The following DENND4A variants were observed in gnomAD, a reference collection of about 807,000 sequenced individuals.
DENND4A encodes DENN domain containing 4A, also known as C-myc promoter-binding protein.
DENND4A carries 70 observed loss-of-function variants against 199.3 expected under a neutral mutation model. The observed-to-expected ratio is 0.35, with a 90% CI of 0.29 to 0.43. DENND4A has a LOEUF of 0.43. Ranked by LOEUF, DENND4A falls within the 20% of genes least tolerant of loss-of-function variation. The probability of loss-of-function intolerance (pLI) is 1.00; values close to 1 mark genes in which losing one functional copy is unlikely to be tolerated. For synonymous variants in DENND4A, 686 were observed against 766.9 expected (o/e 0.89, Z 1.74); for missense variants, 1,723 against 2,255.8 (o/e 0.76, Z 4.78).
Position 65,691,090 on chromosome 15 carries a change from T to G in DENND4A, c.3504A>C (p.Glu1168Asp), listed in dbSNP as rs776254608. Reference protein sequence around the residue: ...KVDSPVIFDLEDLDSETDVSK... With the variant: ...KVDSPVIFDLDDLDSETDVSK... The stretch of plus-strand genomic sequence containing the variant: ...ATACATCTGTTTCACTGTCTAAGTC[T>G]TCTAAGTCAAAAATAACAGGAGAAT... The change falls in exon 23 of 33, where the codon GAA becomes GAC. Residue 1168 changes from glutamate to aspartate, a missense_variant. Glu to Asp is a conservative substitution (Grantham distance 45). Around this residue, in one of 6 missense-constraint regions of DENND4A, gnomAD observed 650 missense variants for 738.1 expected, o/e 0.88. Coordinates refer to ENST00000443035, the MANE Select transcript of DENND4A (RefSeq NM_001320835.1). 1 of 1,613,168 alleles carries G rather than the reference T, an allele frequency of 6.2e-7. No homozygotes were observed. The highest frequency in any genetic ancestry group is 8.5e-7 in the Non-Finnish European group (1 of 1,179,588).
At chr15:65,771,731 A>G (rs957108626) in intron 1 of DENND4A, 1 of 1,611,634 alleles carries the variant, frequency 6.2e-7, no homozygotes, top group Non-Finnish European at 8.5e-7. Flanking sequence ...AGTTATATCA[A>G]CTTCACAAAA....
At chr15:65,695,211 A>G (rs1238108779) in intron 22 of DENND4A, among the ~76,000 whole-genome samples, 1 of 152,200 alleles carries the variant, frequency 6.6e-6, no homozygotes, top group Non-Finnish European at 1.5e-5. Context: ...AACTTTTTCT[A>G]TCAAGGGCTA....
intron 22 of DENND4A, among the ~76,000 whole-genome samples, chr15:65,693,755 C>T (rs1488120968): frequency 2.0e-5 from 3 of 151,926 alleles, no homozygotes; most frequent in Admixed American, 2.0e-4. Flanking sequence ...TAGCAACTTA[C>T]TGTCCTTTTT....
At chr15:65,728,847 C>G (rs1247030734) in intron 11 of DENND4A, 2 of 533,544 alleles carry the variant, frequency 3.7e-6, no homozygotes, top group Non-Finnish European at 6.7e-6. Context: ...ATATTGAAAG[C>G]CTGAGGATGA....
chr15:65,742,184 A>G (rs1285853383), intron 4 of DENND4A, among the ~76,000 whole-genome samples: 1 of 152,234 alleles, frequency 6.6e-6, no homozygotes, highest in Non-Finnish European at 1.5e-5. Flanking sequence ...TTATGCCTCA[A>G]GAGTTGTAAT....
chr15:65,673,050 T>C (rs969179904), intron 24 of DENND4A, among the ~76,000 whole-genome samples: 6 of 151,942 alleles, frequency 3.9e-5, no homozygotes, highest in Non-Finnish European at 8.8e-5. Context: ...TTAGTACAGA[T>C]GGGGTTTCAC....
chr15:65,727,452 CAAAAAAAAAAA>C (rs35066518), intron 11 of DENND4A, among the ~76,000 whole-genome samples: 1 of 68,770 alleles, frequency 1.5e-5, no homozygotes, highest in Admixed American at 1.6e-4. Context: ...GACTCCGTCT[CAAAAAAAAAAA>C]AAAAAAAAAA....
In DENND4A at chr15:65,671,848, C is replaced by T. The variant is rs1352603339; in HGVS notation, c.4408G>A (p.Val1470Met). ...SKFALPGKSE[V>M]TSSFNASNTN... Reference sequence around the variant, plus strand: ...TTACTCGCGTTGAAGGAAGATGTCACTTCTGATTTCCCAGGTAAGGCAAAC... The same window carrying T: ...TTACTCGCGTTGAAGGAAGATGTCATTTCTGATTTCCCAGGTAAGGCAAAC... The change falls in exon 25 of 33, where the codon GTG (valine) becomes ATG (methionine). Residue 1470 changes from valine to methionine, a missense_variant. Physicochemically the swap from Val to Met is conservative, Grantham distance 21 (BLOSUM62 1). Transcript: ENST00000443035. 1.2e-5 allele frequency: 20 copies of T among 1,612,956 alleles called. No individual in the cohort carries two copies. Among genetic ancestry groups the T allele is most frequent in the Non-Finnish European group, 1.7e-5 (20 of 1,179,048 alleles).
chr15:65,698,910 G>A (rs1009936281), intron 20 of DENND4A, among the ~76,000 whole-genome samples: 1 of 151,588 alleles, frequency 6.6e-6, no homozygotes, highest in Non-Finnish European at 1.5e-5. Flanking sequence ...GCTAATTTTT[G>A]CATTTTTAGT....
intron 4 of DENND4A, among the ~76,000 whole-genome samples, chr15:65,750,964 T>C (rs999259632): frequency 6.6e-6 from 1 of 152,164 alleles, no homozygotes; most frequent in Non-Finnish European, 1.5e-5. Context: ...AACTATGGCC[T>C]GCATTTGGCC....
chr15:65,780,254 G>A (rs201293409), intron 1 of DENND4A, among the ~76,000 whole-genome samples: 2 of 151,934 alleles, frequency 1.3e-5, no homozygotes, highest in African/African-American at 2.4e-5. Context: ...ATTTATGCCC[G>A]AATAAAAAAA....
intron 4 of DENND4A, among the ~76,000 whole-genome samples, chr15:65,747,255 T>C (rs974273773): frequency 3.3e-5 from 5 of 152,250 alleles, no homozygotes; most frequent in African/African-American, 1.2e-4. Context: ...TTAGATTGTA[T>C]GACCACTCTA....
intron 1 of DENND4A, among the ~76,000 whole-genome samples, chr15:65,787,172 C>T (rs1318276951): frequency 1.3e-5 from 2 of 152,018 alleles, no homozygotes; most frequent in Non-Finnish European, 2.9e-5. Flanking sequence ...AACAATATTA[C>T]AATAAAATTA....
chr15:65,703,048 C>T (rs755872828), intron 15 of DENND4A, 40 bp from the exon 16 acceptor site: 67 of 1,586,700 alleles, frequency 4.2e-5, no homozygotes, highest in Non-Finnish European at 5.5e-5. Context: ...AAAGAGTTCT[C>T]AAGCACACAT....
intron 24 of DENND4A, among the ~76,000 whole-genome samples, chr15:65,673,694 C>CT (rs2076286705): frequency 6.6e-6 from 1 of 151,826 alleles, no homozygotes. Flanking sequence ...TAGAGACACC[C>CT]TAGAGAGGCA....
chr15:65,668,093 G>T lies in DENND4A; in HGVS notation c.4818C>A (p.Thr1606=). Residue 1606 remains threonine (T), a synonymous_variant, in exon 28 of 33, where the codon ACC becomes ACA. Transcript: ENST00000443035. The part of the protein sequence containing the change: ...SKSKLQENFC[T]RSIQIPANRS... ...TATTAGCAGGGATCTGAATACTTCGGGTGCAAAAATTTTCCTGCAGTTTAG... is the reference window on the plus strand; with the variant it reads ...TATTAGCAGGGATCTGAATACTTCGTGTGCAAAAATTTTCCTGCAGTTTAG... 1 of 1,578,836 alleles carries T rather than the reference G, an allele frequency of 6.3e-7. No homozygotes were observed.
chr15:65,677,602 G>T (rs1002978515), intron 23 of DENND4A, among the ~76,000 whole-genome samples: 2 of 152,032 alleles, frequency 1.3e-5, no homozygotes, highest in African/African-American at 2.4e-5. Context: ...ACTCCTAAAT[G>T]AGAAAAAAAT....
At chr15:65,681,414 T>C (rs2076568354) in intron 23 of DENND4A, 1 of 152,272 alleles carries the variant, frequency 6.6e-6, no homozygotes, top group Non-Finnish European at 1.5e-5. Flanking sequence ...TCACCACCTA[T>C]TATGGCTATA....
Position 65,696,349 on chromosome 15 carries a change from C to A in DENND4A, c.3082+17G>T. ...CAATTTATTCCGCACATAACACAAG[C>A]GTACTATTCAACTTACCCATGCTTT... On this transcript the variant is annotated intron_variant, in intron 22 of 32. Coordinates refer to ENST00000443035, the MANE Select transcript of DENND4A (RefSeq NM_001320835.1). 6.2e-7 allele frequency: 1 copy of A among 1,608,276 alleles called. No individual in the cohort carries two copies. Among genetic ancestry groups the A allele is most frequent in the African/African-American group, 1.3e-5 (1 of 74,776 alleles).
Sources: gnomAD v4.1 joint callset for allele counts (sites outside exome capture counted in the v4.1 genomes callset) on GRCh38, gnomAD v4.1.1 for gene constraint, gnomAD v4.1.1 regional missense constraint, MANE v1.5 for transcripts, NCBI Gene and HGNC (gene_info 2026-07-23, HGNC 2026-07-21) for gene names.